DDX21: variants seen among roughly 807,000 people sequenced by gnomAD.
DDX21 encodes DExD-box helicase 21.
A neutral mutation model predicts 90.0 loss-of-function variants in DDX21; 18 were observed. The observed-to-expected ratio is 0.20, with a 90% CI of 0.14 to 0.30. The LOEUF is 0.30. Among genes scored for constraint, DDX21 ranks in the 10% least tolerant of loss-of-function variants. The pLI is 1.00. For missense variants in DDX21, 673 were observed against 944.5 expected, an observed-to-expected ratio of 0.71 and a Z score of 3.77; for synonymous variants, 294 against 318.0, an observed-to-expected ratio of 0.92 and a Z score of 0.80.
chr10:68,974,862 C>T, intron 11 of DDX21, 119 bp downstream of exon 11: 1 of 706,664 alleles, frequency 1.4e-6, no homozygotes, highest in Non-Finnish European at 2.3e-6. Context: ...GAGACAGGGT[C>T]TCACTATGTT....
At chr10:68,978,746 C>G in intron 12 of DDX21, 96 bp from the exon 13 acceptor site, 1 of 1,481,140 alleles carries the variant, frequency 6.8e-7, no homozygotes, top group East Asian at 2.3e-5. Flanking sequence ...TTAGGAATAA[C>G]TTTTCAAGAA....
intron 14 of DDX21, among the ~76,000 whole-genome samples, chr10:68,982,031 C>G (rs1331819181): frequency 6.6e-6 from 1 of 152,090 alleles, no homozygotes; most frequent in African/African-American, 2.4e-5. Context: ...ATCACTACCC[C>G]CAGCTAATTT....
At position 68,982,943 on chromosome 10, in the gene DDX21, C is replaced by T; in HGVS notation, c.*131C>T. ...CCACTTGCCAAGTCCCTGTCTCTTTCAGACACAGACAAGCTTCATTTAAAT... is the reference window on the plus strand; with the variant it reads ...CCACTTGCCAAGTCCCTGTCTCTTTTAGACACAGACAAGCTTCATTTAAAT... On this transcript the variant is annotated 3_prime_UTR_variant, in exon 15 of 15. Coordinates refer to ENST00000354185, the MANE Select transcript of DDX21 (RefSeq NM_004728.4). 1 of 1,075,514 alleles carries T rather than the reference C, an allele frequency of 9.3e-7. No homozygotes were observed. The highest frequency in any genetic ancestry group is 1.3e-6 in the Non-Finnish European group (1 of 757,486). 66.6% of individuals were successfully genotyped at this position (1,075,514 alleles called of 1,614,324 possible). A position where few individuals can be genotyped will look rare whatever the true frequency, so the allele number is the denominator to read the frequency against.
Position 68,966,869 on chromosome 10 carries a change from G to C in DDX21, c.905-149G>C, listed in dbSNP as rs1479207542. 9.4e-6 allele frequency: 5 copies of C among 532,974 alleles called. No individual in the cohort carries two copies. The East Asian group carries it at 9.9e-5, about 11-fold the overall frequency. 33.0% of individuals were successfully genotyped at this position (532,974 alleles called of 1,614,324 possible). ...TCCCACTAGATTAGGAGTGCCATGAGTATCTTTATCATTATTACTTAGCAT... is the reference window on the plus strand; with the variant it reads ...TCCCACTAGATTAGGAGTGCCATGACTATCTTTATCATTATTACTTAGCAT... On this transcript the variant is annotated intron_variant, in intron 5 of 14. Coordinates refer to ENST00000354185, the MANE Select transcript of DDX21 (RefSeq NM_004728.4).
intron 1 of DDX21, 137 bp downstream of exon 1, chr10:68,956,449 C>T (rs1842795299): frequency 6.7e-7 from 1 of 1,483,550 alleles, no homozygotes; most frequent in Non-Finnish European, 9.0e-7. Context: ...TGGGTCTTGG[C>T]GGGCGGTCGC....
chr10:68,976,671 G>A (rs1589288655), intron 11 of DDX21, among the ~76,000 whole-genome samples: 1 of 152,088 alleles, frequency 6.6e-6, no homozygotes, highest in South Asian at 2.1e-4. Context: ...GGGTTCCCTT[G>A]GGTGCCAGTT....
At chr10:68,973,742 T>C (rs1002627440) in intron 10 of DDX21, 78 bp downstream of exon 10, 15 of 1,516,638 alleles carry the variant, frequency 9.9e-6, no homozygotes, top group Non-Finnish European at 1.3e-5. Flanking sequence ...TTTTATCCAC[T>C]TTAAAATATT....
At chr10:68,959,360 G>A (rs943829220) in intron 1 of DDX21, among the ~76,000 whole-genome samples, 2 of 152,056 alleles carry the variant, frequency 1.3e-5, no homozygotes, top group African/African-American at 4.8e-5. Context: ...TGGGTGTGGT[G>A]GTGGGCGCCT....
rs1843237982 is a variant in DDX21, at chr10:68,984,370, C to A, written c.*1558C>A. 6.6e-6 allele frequency: 1 copy of A among 152,188 alleles called. No homozygotes were observed. Among genetic ancestry groups the A allele is most frequent in the East Asian group, 1.9e-4 (1 of 5,202 alleles). 9.4% of individuals were successfully genotyped at this position (152,188 alleles called of 1,614,324 possible). A position where few individuals can be genotyped will look rare whatever the true frequency, so the allele number is the denominator to read the frequency against. The stretch of plus-strand genomic sequence containing the variant: ...AGCTCCTAATCCTTGAGGCAACATT[C>A]TTTTTCTATTTGAACTTCAGTTCTG... On this transcript the variant is annotated 3_prime_UTR_variant, in exon 15 of 15. Transcript: ENST00000354185.
At chr10:68,975,751 A>C (rs933756067) in intron 11 of DDX21, among the ~76,000 whole-genome samples, 1 of 152,050 alleles carries the variant, frequency 6.6e-6, no homozygotes, top group Non-Finnish European at 1.5e-5. Flanking sequence ...CATCTCTATA[A>C]AAAATACAAA....
Position 68,969,053 on chromosome 10 carries a change from A to G in DDX21, c.1168A>G (p.Met390Val). Residue 390 changes from methionine (M) to valine (V), a missense_variant, in exon 7 of 15, where the codon ATG (methionine) becomes GTG (valine). Met to Val is a conservative substitution (Grantham distance 21). Transcript: ENST00000354185. ...GGTATTTAATGTTGCCAAGAAATAC[A>G]TGAAATCTACATATGAACAGGTGGA... ...HWVFNVAKKY[M>V]KSTYEQVDLI... is the part of the protein sequence containing the mutation. 6.2e-7 allele frequency: 1 copy of G among 1,614,152 alleles called. No homozygotes were observed. Among genetic ancestry groups the G allele is most frequent in the Non-Finnish European group, 8.5e-7 (1 of 1,180,018 alleles).
In DDX21 at chr10:68,977,387, A is replaced by C. The variant is rs189173131; in HGVS notation, c.1743-142A>C. ...GGAATGGATTTATTACTATAGAAAT[A>C]TGATTATTATATACTGCATCAAAAA... is the stretch of plus-strand genomic sequence containing the variant. On this transcript the variant is annotated intron_variant, in intron 11 of 14. Transcript: ENST00000354185. The C allele has an allele frequency of 7.4e-6, 5 of 674,620 alleles. No individual in the cohort carries two copies. The East Asian group carries it at 1.1e-4, about 15-fold the overall frequency. 41.8% of individuals were successfully genotyped at this position (674,620 alleles called of 1,614,324 possible).
chr10:68,966,892 C>T (rs565681484), intron 5 of DDX21, 126 bp from the exon 6 acceptor site: 481 of 644,386 alleles, frequency 7.5e-4, no homozygotes, highest in Admixed American at 1.8e-3. Flanking sequence ...TATTACTTAG[C>T]ATATTACTTT....
intron 11 of DDX21, among the ~76,000 whole-genome samples, chr10:68,976,208 C>T (rs1271354489): frequency 6.7e-6 from 1 of 150,010 alleles, no homozygotes; most frequent in Non-Finnish European, 1.5e-5. Context: ...CCCTGGGTGG[C>T]AGAGTGAGAC....
At chr10:68,969,486 G>A (rs1842991141) in intron 7 of DDX21, among the ~76,000 whole-genome samples, 1 of 152,104 alleles carries the variant, frequency 6.6e-6, no homozygotes, top group African/African-American at 2.4e-5. Flanking sequence ...CACCATGTTG[G>A]CCAGGATAGT....
At chr10:68,963,991 T>C (rs1179518766) in intron 4 of DDX21, 1 of 253,986 alleles carries the variant, frequency 3.9e-6, no homozygotes, top group Non-Finnish European at 7.9e-6. Flanking sequence ...TCCCAACTAC[T>C]TGGGAGGCTG....
intron 11 of DDX21, 140 bp from the exon 12 acceptor site, chr10:68,977,386 TATG>T: frequency 4.5e-6 from 3 of 669,378 alleles, no homozygotes; most frequent in Non-Finnish European, 4.7e-6. Context: ...ACTATAGAAA[TATG>T]ATTATTATAT....
chr10:68,980,272 T>A (rs1843167189), intron 13 of DDX21, among the ~76,000 whole-genome samples: 1 of 152,098 alleles, frequency 6.6e-6, no homozygotes, highest in African/African-American at 2.4e-5. Context: ...TATAAATCTT[T>A]TCCTCCAAAG....
At position 68,960,165 on chromosome 10, in the gene DDX21, A is replaced by G; in HGVS notation, c.447A>G (p.Lys149=). The G allele has an allele frequency of 6.2e-7, 1 of 1,614,066 alleles. No homozygotes were observed. Among genetic ancestry groups the G allele is most frequent in the Middle Eastern group, 1.7e-4 (1 of 6,060 alleles). The change falls in exon 2 of 15, where the codon AAA becomes AAG. Residue 149 remains lysine, a synonymous_variant. Coordinates refer to ENST00000354185, the MANE Select transcript of DDX21 (RefSeq NM_004728.4). Reference sequence around the variant, plus strand: ...GAGAAACTAGAGAGAAAAGCCCCAAACTGAAGAATGGATTTCCTCATCCTG... The same window carrying G: ...GAGAAACTAGAGAGAAAAGCCCCAAGCTGAAGAATGGATTTCCTCATCCTG... ...MNGETREKSP[K]LKNGFPHPEP... is the part of the protein sequence containing the mutation.
Sources: gnomAD v4.1 joint callset for allele counts (sites outside exome capture counted in the v4.1 genomes callset) on GRCh38, gnomAD v4.1.1 for gene constraint, MANE v1.5 for transcripts, NCBI Gene and HGNC (gene_info 2026-07-23, HGNC 2026-07-21) for gene names.